Variants in TNN observed in about 807,000 individuals in gnomAD.
TNN encodes tenascin N.
A neutral mutation model predicts 134.4 loss-of-function variants in TNN; 122 were observed. That is an observed-to-expected ratio of 0.91 (90% CI 0.78 to 1.06). The LOEUF is 1.06. Among genes scored for constraint, TNN ranks in the 50% least tolerant of loss-of-function variants. The pLI, the probability that TNN is intolerant of heterozygous loss-of-function variation, is 0.00. For missense variants in TNN, 1,739 were observed against 1,699.4 expected (o/e 1.02, Z -0.41); for synonymous variants, 710 against 670.3 (o/e 1.06, Z -0.91).
At position 175,126,990 on chromosome 1, in the gene TNN, G is replaced by A. The variant is rs368231525; in HGVS notation, c.2950G>A (p.Val984Ile). The change falls in exon 13 of 19, where the codon GTA (valine) becomes ATA (isoleucine). Residue 984 changes from valine (V) to isoleucine (I), a missense_variant. Transcript: ENST00000239462. ...DPPRNLRPSA[V>I]TQSGGILTWT... ...TCCCAGAAACCTTCGTCCATCTGCT[G>A]TAACGCAGTCTGGTGGCATATTGAC... The A allele has an allele frequency of 1.4e-4, 229 of 1,614,142 alleles. 2 individuals carry two copies. The highest frequency in any genetic ancestry group is 9.9e-4 in the Middle Eastern group (6 of 6,062).
At chr1:175,125,075 G>C (rs1675474219) in intron 12 of TNN, among the ~76,000 whole-genome samples, 1 of 152,178 alleles carries the variant, frequency 6.6e-6, no homozygotes, top group African/African-American at 2.4e-5. Context: ...TGTGAAATCA[G>C]GAAATTCAGT....
At chr1:175,104,615 C>T (rs1035697001) in intron 9 of TNN, among the ~76,000 whole-genome samples, 6 of 145,590 alleles carry the variant, frequency 4.1e-5, no homozygotes, top group Admixed American at 6.9e-5. Context: ...TCTCTGATCT[C>T]GCTTTTCCTT....
At chr1:175,125,211 T>C (rs1317298106) in intron 12 of TNN, among the ~76,000 whole-genome samples, 3 of 152,254 alleles carry the variant, frequency 2.0e-5, no homozygotes, top group Non-Finnish European at 4.4e-5. Context: ...AGCTGTCTGA[T>C]TTCTATTAAA....
rs1389988884 is a variant in TNN at position 175,077,472 on chromosome 1, G to T, written c.54G>T (p.Val18=). The change falls in exon 2 of 19, where the codon GTG becomes GTT. Residue 18 remains valine, a synonymous_variant. Transcript: ENST00000239462. The part of the protein sequence containing the change: ...RFPMGLLLGS[V]LLVASAPATL... ...CTATGGGGCTCCTGCTTGGCTCTGT[G>T]CTCCTGGTGGCTTCGGCCCCAGCCA... is the stretch of plus-strand genomic sequence containing the variant. 6.2e-7 allele frequency: 1 copy of T among 1,613,804 alleles called. No individual in the cohort carries two copies. Among genetic ancestry groups the T allele is most frequent in the Non-Finnish European group, 8.5e-7 (1 of 1,180,042 alleles).
At chr1:175,099,578 GATGA>G in intron 9 of TNN, among the ~76,000 whole-genome samples, 1 of 106,546 alleles carries the variant, frequency 9.4e-6, no homozygotes, top group African/African-American at 3.4e-5. Flanking sequence ...GAAGAGGAGA[GATGA>G]GGGCTCAGGA....
At position 175,139,624 on chromosome 1, in the gene TNN, T is replaced by G. The variant is rs566233346; in HGVS notation, c.3595+2636T>G. Among the ~76,000 whole-genome samples the G allele has an allele frequency of 2.6e-5, 4 of 152,078 alleles. No individual in the cohort carries two copies. In the East Asian group the frequency reaches 5.8e-4, roughly 22 times the overall value. On this transcript the variant is annotated intron_variant, in intron 17 of 18. Coordinates refer to ENST00000239462, the MANE Select transcript of TNN (RefSeq NM_022093.2). ...GAGGCTGTTTTACAGGATTTTTTTT[T>G]GTAAAGTACTCATACACTCTAAAAT...
At position 175,077,791 on chromosome 1, in the gene TNN, C is replaced by A. The variant is rs746256254; in HGVS notation, c.373C>A (p.Gln125Lys). The A allele has an allele frequency of 3.7e-6, 6 of 1,614,092 alleles. No homozygotes were observed. The East Asian group carries it at 8.9e-5, about 24-fold the overall frequency. ...LEEEMVEMKE[Q>K]CSAQRCCQGV... The stretch of plus-strand genomic sequence containing the variant: ...GGAAGAGATGGTGGAGATGAAGGAA[C>A]AGTGTAGTGCCCAGCGCTGCTGCCA... The change falls in exon 2 of 19, where the codon CAG becomes AAG. Residue 125 changes from glutamine to lysine, a missense_variant. By Grantham distance (53) the Gln-to-Lys change is moderately conservative. Coordinates refer to ENST00000239462, the MANE Select transcript of TNN (RefSeq NM_022093.2).
chr1:175,141,067 C>G (rs1461576521), intron 17 of TNN, among the ~76,000 whole-genome samples: 1 of 152,236 alleles, frequency 6.6e-6, no homozygotes, highest in Non-Finnish European at 1.5e-5. Flanking sequence ...TTGCTCCCCA[C>G]TCAGACTGTC....
At chr1:175,137,324 C>T (rs1286751273) in intron 17 of TNN, among the ~76,000 whole-genome samples, 4 of 150,586 alleles carry the variant, frequency 2.7e-5, no homozygotes, top group Admixed American at 6.6e-5. Flanking sequence ...GTCTTTCATT[C>T]GGCTTTAGCA....
chr1:175,080,114 A>T, intron 3 of TNN, 49 bp from the exon 4 acceptor site: 1 of 1,601,202 alleles, frequency 6.2e-7, no homozygotes, highest in Non-Finnish European at 8.5e-7. Context: ...CTGGGTCTGG[A>T]TCGCCTCCCT....
At chr1:175,107,521 G>A (rs1674891769) in intron 9 of TNN, among the ~76,000 whole-genome samples, 1 of 146,812 alleles carries the variant, frequency 6.8e-6, no homozygotes, top group African/African-American at 2.5e-5. Context: ...GAGTGAAGCT[G>A]CAGATCTTCG....
intron 13 of TNN, 132 bp from the exon 14 acceptor site, chr1:175,127,900 G>A: frequency 3.6e-6 from 4 of 1,100,640 alleles, no homozygotes; most frequent in Non-Finnish European, 5.3e-6. Context: ...TGCCACTGAG[G>A]CTTCGGAGAG....
chr1:175,109,213 C>T (rs1404951894), intron 9 of TNN, among the ~76,000 whole-genome samples: 7 of 146,992 alleles, frequency 4.8e-5, no homozygotes, highest in South Asian at 4.4e-4. Flanking sequence ...CTCAGCCTCC[C>T]GAGTAGCTGG....
intron 6 of TNN, among the ~76,000 whole-genome samples, chr1:175,091,555 TTA>T (rs1491540176): frequency 0.1 from 13,764 of 137,772 alleles, 670 homozygotes; most frequent in African/African-American, 0.14. Flanking sequence ...CTTTTATTTA[TTA>T]TTTTTATTTA....
rs773820935 is a variant in TNN at position 175,094,183 on chromosome 1, A to G, written c.1518A>G (p.Ala506=). 1 of 1,614,172 alleles carries G rather than the reference A, an allele frequency of 6.2e-7. No homozygotes were observed. Residue 506 remains alanine, a synonymous_variant, in exon 7 of 19, where the codon GCA becomes GCG. Transcript: ENST00000239462. ...TGACGGGCCTGAAGCCAGGAGAGGC[A>G]TACAAGGTCTACGTGTGGGCTGAAA... ...TVLTGLKPGE[A]YKVYVWAERG... is the part of the protein sequence containing the mutation.
chr1:175,107,179 A>G (rs1674880125), intron 9 of TNN, among the ~76,000 whole-genome samples: 2 of 146,432 alleles, frequency 1.4e-5, no homozygotes, highest in African/African-American at 4.9e-5. Flanking sequence ...GGTGAGTGTT[A>G]CAGCTCTTAA....
chr1:175,070,094 C>G (rs1673881923), intron 1 of TNN, among the ~76,000 whole-genome samples: 1 of 152,096 alleles, frequency 6.6e-6, no homozygotes, highest in Admixed American at 6.5e-5. Flanking sequence ...TCTATTTTAT[C>G]TTGTTATTGT....
intron 4 of TNN, among the ~76,000 whole-genome samples, chr1:175,083,295 T>C (rs1014608455): frequency 1.3e-5 from 2 of 152,220 alleles, no homozygotes; most frequent in African/African-American, 4.8e-5. Context: ...TTGAGAAAGT[T>C]TGAAATAGAT....
chr1:175,092,111 C>T (rs1414705574), intron 6 of TNN, among the ~76,000 whole-genome samples: 2 of 152,204 alleles, frequency 1.3e-5, no homozygotes, highest in African/African-American at 4.8e-5. Flanking sequence ...CTCGCTTCTT[C>T]CTGCCTCCTT....
Sources: gnomAD v4.1 joint callset for allele counts (sites outside exome capture counted in the v4.1 genomes callset) on GRCh38, gnomAD v4.1.1 for gene constraint, MANE v1.5 for transcripts, NCBI Gene and HGNC (gene_info 2026-07-23, HGNC 2026-07-21) for gene names.